Variants in ANO3 observed in about 807,000 individuals in gnomAD.
ANO3 encodes the protein anoctamin-3.
In ANO3, 99 loss-of-function variants were observed where a neutral mutation model predicts 144.8. That is an observed-to-expected ratio of 0.68 (90% CI 0.58 to 0.81). The LOEUF is 0.81. ANO3 is among the 30% of genes least tolerant of loss of function. The probability of loss-of-function intolerance (pLI) is 0.00; values close to 1 mark genes in which losing one functional copy is unlikely to be tolerated. For synonymous variants in ANO3, 414 were observed against 392.6 expected, an observed-to-expected ratio of 1.05 and a Z score of -0.64; for missense variants, 905 against 1,202.2, an observed-to-expected ratio of 0.75 and a Z score of 3.66.
chr11:26,542,729 T>G (rs1351787145), intron 11 of ANO3, among the ~76,000 whole-genome samples: 1 of 152,120 alleles, frequency 6.6e-6, no homozygotes, highest in Admixed American at 6.6e-5. Context: ...CTTGAAATAT[T>G]GTTGTATTCA....
At chr11:26,563,920 A>G (rs952728381) in intron 14 of ANO3, among the ~76,000 whole-genome samples, 2 of 151,910 alleles carry the variant, frequency 1.3e-5, no homozygotes, top group African/African-American at 4.8e-5. Context: ...TAAATTTTCA[A>G]TAAACTAAAT....
In ANO3 at chr11:26,597,623, T is replaced by C. The variant is rs751202504; in HGVS notation, c.1448-742T>C. On this transcript the variant is annotated intron_variant, in intron 14 of 26. Coordinates refer to ENST00000256737, the MANE Select transcript of ANO3 (RefSeq NM_031418.4). The stretch of plus-strand genomic sequence containing the variant: ...AAGAGTGTGCAGTTGCAAGATTTAA[T>C]AGAGTGAAAACAGAGCTCTCATACA... Among the ~76,000 whole-genome samples, 14 of 152,086 alleles carry C rather than the reference T, an allele frequency of 9.2e-5. 1 individual carries two copies. Among genetic ancestry groups the C allele is most frequent in the Admixed American group, 5.9e-4 (9 of 15,278 alleles).
chr11:26,192,488 C>T (rs1851496925), intron 1 of ANO3, among the ~76,000 whole-genome samples: 1 of 152,034 alleles, frequency 6.6e-6, no homozygotes, highest in South Asian at 2.1e-4. Flanking sequence ...GAAATTTAAC[C>T]ACGTATGTCT....
chr11:26,583,088 C>A (rs1851177904), intron 14 of ANO3, among the ~76,000 whole-genome samples: 1 of 152,138 alleles, frequency 6.6e-6, no homozygotes, highest in African/African-American at 2.4e-5. Context: ...ATTTAATATG[C>A]AAATGCCAAT....
intron 17 of ANO3, among the ~76,000 whole-genome samples, chr11:26,612,862 T>A (rs1183041791): frequency 1.3e-5 from 2 of 152,154 alleles, no homozygotes; most frequent in African/African-American, 4.8e-5. Context: ...AGAAATCTGC[T>A]GATAGTCTAA....
At chr11:26,436,597 G>T (rs959306300) in intron 1 of ANO3, among the ~76,000 whole-genome samples, 9 of 148,768 alleles carry the variant, frequency 6.0e-5, no homozygotes, top group Non-Finnish European at 1.3e-4. Flanking sequence ...AGGGGTGGCT[G>T]GGGACCTTGG....
intron 23 of ANO3, 36 bp downstream of exon 23, chr11:26,643,370 A>T (rs746350503): frequency 1.2e-6 from 2 of 1,611,580 alleles, no homozygotes; most frequent in African/African-American, 2.7e-5. Flanking sequence ...TTACGTTGCT[A>T]ACACCAATAG....
At chr11:26,624,033 G>C (rs959616699) in intron 17 of ANO3, among the ~76,000 whole-genome samples, 7 of 152,096 alleles carry the variant, frequency 4.6e-5, no homozygotes, top group African/African-American at 1.2e-4. Flanking sequence ...TGATCCGCCC[G>C]CCTAGGCCTC....
intron 1 of ANO3, among the ~76,000 whole-genome samples, chr11:26,363,143 A>G (rs1226695153): frequency 6.6e-6 from 1 of 152,086 alleles, no homozygotes; most frequent in Non-Finnish European, 1.5e-5. Flanking sequence ...TTCTTTTTTC[A>G]TCCTTCATCA....
intron 14 of ANO3, among the ~76,000 whole-genome samples, chr11:26,575,412 A>G (rs1850960511): frequency 6.6e-6 from 1 of 151,972 alleles, no homozygotes; most frequent in Admixed American, 6.6e-5. Flanking sequence ...ACACTTTCAA[A>G]CATAAATATA....
chr11:26,551,396 TAAGTA>T (rs1849929079), intron 12 of ANO3, among the ~76,000 whole-genome samples: 3 of 152,002 alleles, frequency 2.0e-5, no homozygotes, highest in Non-Finnish European at 4.4e-5. Flanking sequence ...CTCTAGTGGT[TAAGTA>T]AAGTCAAAGA....
intron 1 of ANO3, among the ~76,000 whole-genome samples, chr11:26,315,396 A>C (rs968798743): frequency 1.3e-5 from 2 of 152,168 alleles, no homozygotes; most frequent in African/African-American, 4.8e-5. Flanking sequence ...ATTTACCTGA[A>C]GCTTAGAATA....
intron 5 of ANO3, among the ~76,000 whole-genome samples, chr11:26,514,137 C>T (rs1861772869): frequency 6.6e-6 from 1 of 151,590 alleles, no homozygotes; most frequent in Non-Finnish European, 1.5e-5. Flanking sequence ...ACATTTAACT[C>T]ATCAAGTTAA....
rs374107790 is a variant in ANO3, at chr11:26,509,502, G to A, written c.591+1240G>A. ...TAAGTTTTGTATTTTTAGTAGAGACGGGGTTTCACCATGTTGGCCAGGCTG... is the reference window on the plus strand; with the variant it reads ...TAAGTTTTGTATTTTTAGTAGAGACAGGGTTTCACCATGTTGGCCAGGCTG... On this transcript the variant is annotated intron_variant, in intron 5 of 26. Transcript: ENST00000256737. 7.2e-5 allele frequency among the ~76,000 whole-genome samples: 11 copies of A among 151,982 alleles called. No individual in the cohort carries two copies. In the East Asian group the frequency reaches 1.8e-3, roughly 24 times the overall value.
chr11:26,191,183 G>A (rs1371356324), intron 1 of ANO3, among the ~76,000 whole-genome samples: 1 of 152,040 alleles, frequency 6.6e-6, no homozygotes, highest in African/African-American at 2.4e-5. Flanking sequence ...GGCTGAGACA[G>A]GCGAGAATTG....
At chr11:26,490,193 A>G (rs1364535978) in intron 4 of ANO3, among the ~76,000 whole-genome samples, 2 of 152,102 alleles carry the variant, frequency 1.3e-5, no homozygotes, top group Non-Finnish European at 2.9e-5. Context: ...GTCTCGTGAG[A>G]TCTGATGGGT....
intron 1 of ANO3, among the ~76,000 whole-genome samples, chr11:26,199,156 C>T (rs1851645063): frequency 6.6e-6 from 1 of 151,720 alleles, no homozygotes; most frequent in African/African-American, 2.4e-5. Context: ...AATCTGTGCC[C>T]GCAGTCAAGC....
chr11:26,263,059 C>T (rs1399171407), intron 1 of ANO3, among the ~76,000 whole-genome samples: 1 of 151,984 alleles, frequency 6.6e-6, no homozygotes, highest in Non-Finnish European at 1.5e-5. Flanking sequence ...ATTTTGTTGC[C>T]CATATTCTTC....
At chr11:26,542,575 G>GAAA (rs1246702849) in intron 11 of ANO3, among the ~76,000 whole-genome samples, 1 of 151,680 alleles carries the variant, frequency 6.6e-6, no homozygotes, top group Non-Finnish European at 1.5e-5. Context: ...AAGAAAGAAA[G>GAAA]AAAAAAAGCC....
Sources: gnomAD v4.1 joint callset for allele counts (sites outside exome capture counted in the v4.1 genomes callset) on GRCh38, gnomAD v4.1.1 for gene constraint, MANE v1.5 for transcripts, NCBI Gene and HGNC (gene_info 2026-07-23, HGNC 2026-07-21) for gene names.